The following DAB1 variants were observed in gnomAD, a reference collection of about 807,000 sequenced individuals.
DAB1 encodes the protein DAB adaptor protein 1, also known as disabled homolog 1.
DAB1 carries 15 observed loss-of-function variants against 64.6 expected under a neutral mutation model. That is an observed-to-expected ratio of 0.23 (90% confidence interval 0.16 to 0.36). The LOEUF is 0.36. Among genes scored for constraint, DAB1 ranks in the 10% least tolerant of loss-of-function variants. The probability of loss-of-function intolerance (pLI) is 1.00; values close to 1 mark genes in which losing one functional copy is unlikely to be tolerated. For missense variants in DAB1, 596 were observed against 706.7 expected (o/e 0.84, Z 1.78); for synonymous variants, 235 against 251.9 (o/e 0.93, Z 0.64).
intron 5 of DAB1, among the ~76,000 whole-genome samples, chr1:58,045,786 C>T (rs1446737379): frequency 7.1e-6 from 1 of 140,242 alleles, no homozygotes; most frequent in Non-Finnish European, 1.6e-5. Flanking sequence ...GCCTCTTTTC[C>T]CTTTTTCCCC....
At chr1:57,235,618 C>T (rs1199201048) in intron 2 of DAB1, among the ~76,000 whole-genome samples, 1 of 151,944 alleles carries the variant, frequency 6.6e-6, no homozygotes, top group Admixed American at 6.6e-5. Context: ...AAGTAACTTA[C>T]TCAGTGTCCC....
intron 1 of DAB1, among the ~76,000 whole-genome samples, chr1:57,306,144 G>T (rs1394656546): frequency 6.6e-6 from 1 of 152,136 alleles, no homozygotes; most frequent in Non-Finnish European, 1.5e-5. Flanking sequence ...AGGCACAGAA[G>T]TGATAAAGTA....
At chr1:57,145,225 T>C in intron 3 of DAB1, 65 bp downstream of exon 3, 1 of 1,474,396 alleles carries the variant, frequency 6.8e-7, no homozygotes. Flanking sequence ...ATTATGATGG[T>C]AATCACTTCT....
At chr1:58,405,615 C>T (rs1280937888) in intron 3 of DAB1, among the ~76,000 whole-genome samples, 1 of 152,182 alleles carries the variant, frequency 6.6e-6, no homozygotes, top group Non-Finnish European at 1.5e-5. Flanking sequence ...CTGCCTCAGC[C>T]TCCCAAAGTG....
intron 2 of DAB1, among the ~76,000 whole-genome samples, chr1:57,175,539 T>A (rs1269152936): frequency 1.3e-5 from 2 of 152,172 alleles, no homozygotes; most frequent in Non-Finnish European, 2.9e-5. Context: ...AGAGCCGTAT[T>A]TATATAACCA....
At chr1:57,861,361 T>A (rs1204828400) in intron 1 of DAB1, among the ~76,000 whole-genome samples, 1 of 152,232 alleles carries the variant, frequency 6.6e-6, no homozygotes, top group Non-Finnish European at 1.5e-5. Flanking sequence ...CAGATTCTGA[T>A]GAGGGCCCTC....
intron 2 of DAB1, among the ~76,000 whole-genome samples, chr1:57,193,184 T>A (rs926133043): frequency 6.6e-6 from 1 of 152,030 alleles, no homozygotes; most frequent in Non-Finnish European, 1.5e-5. Context: ...ACTGAAATTC[T>A]GTGCCCTTGA....
intron 5 of DAB1, among the ~76,000 whole-genome samples, chr1:58,028,405 T>A (rs550090659): frequency 1.3e-5 from 2 of 152,360 alleles, no homozygotes; most frequent in African/African-American, 4.8e-5. Flanking sequence ...ATCTAACTCA[T>A]GTATTTTCTC....
At chr1:57,289,744 T>G (rs1202434963) in intron 2 of DAB1, among the ~76,000 whole-genome samples, 1 of 152,150 alleles carries the variant, frequency 6.6e-6, no homozygotes, top group African/African-American at 2.4e-5. Context: ...CATCCCAGTT[T>G]GCAAGCCCAC....
chr1:57,906,728 C>T (rs114616167), intron 5 of DAB1, among the ~76,000 whole-genome samples: 1,982 of 152,156 alleles, frequency 0.013, 46 homozygotes, highest in African/African-American at 0.046. Context: ...GGAGAGAGAA[C>T]CTTGTTATGT....
chr1:58,264,824 TATTCTA>T (rs1463446243), intron 4 of DAB1, among the ~76,000 whole-genome samples: 1 of 152,240 alleles, frequency 6.6e-6, no homozygotes, highest in East Asian at 1.9e-4. Flanking sequence ...TGGCCACCTC[TATTCTA>T]ATTCTATTAA....
intron 1 of DAB1, among the ~76,000 whole-genome samples, chr1:57,313,912 G>A (rs1321435359): frequency 3.3e-5 from 5 of 152,170 alleles, no homozygotes; most frequent in African/African-American, 1.2e-4. Flanking sequence ...GTTACAGTGA[G>A]AAGGTGCCAT....
intron 5 of DAB1, among the ~76,000 whole-genome samples, chr1:58,082,098 C>G (rs561859636): frequency 1.3e-5 from 2 of 152,318 alleles, no homozygotes; most frequent in South Asian, 4.1e-4. Flanking sequence ...TTGCCCACAG[C>G]CAGACAGCAA....
intron 5 of DAB1, among the ~76,000 whole-genome samples, chr1:58,050,486 T>G (rs2100526329): frequency 6.6e-6 from 1 of 152,118 alleles, no homozygotes; most frequent in South Asian, 2.1e-4. Flanking sequence ...TAAGGAATAT[T>G]TAGGTAGAAT....
At chr1:58,269,060 T>A (rs566214702) in intron 4 of DAB1, among the ~76,000 whole-genome samples, 1 of 151,430 alleles carries the variant, frequency 6.6e-6, no homozygotes, top group East Asian at 1.9e-4. Flanking sequence ...CATGTGCACA[T>A]TGTGCAGGTT....
chr1:57,829,093 A>C (rs114745696), intron 1 of DAB1, among the ~76,000 whole-genome samples: 1,988 of 152,092 alleles, frequency 0.013, 48 homozygotes, highest in African/African-American at 0.045. Context: ...CCCACCCCTA[A>C]AGCATTCACC....
intron 6 of DAB1, among the ~76,000 whole-genome samples, chr1:57,773,408 T>TATA (rs1490629304): frequency 2.0e-5 from 3 of 151,888 alleles, no homozygotes; most frequent in Non-Finnish European, 2.9e-5. Context: ...GGATACCAGT[T>TATA]ATTTGCCAGA....
chr1:57,239,612 A>G (rs1393774409), intron 2 of DAB1, among the ~76,000 whole-genome samples: 1 of 152,144 alleles, frequency 6.6e-6, no homozygotes. Flanking sequence ...TGTCCTCAAA[A>G]CAATAAGACC....
chr1:57,413,300 A>G (rs1244059219), intron 1 of DAB1, among the ~76,000 whole-genome samples: 1 of 152,236 alleles, frequency 6.6e-6, no homozygotes. Flanking sequence ...CTAACAAAAC[A>G]TCTACTCTGC....
Sources: allele counts gnomAD v4.1 joint callset (sites outside exome capture counted in the v4.1 genomes callset), GRCh38; gene constraint gnomAD v4.1.1; transcripts MANE v1.5; gene names NCBI Gene and HGNC (gene_info 2026-07-23, HGNC 2026-07-21).